DNMT1: variants seen among roughly 807,000 people sequenced by gnomAD.
The protein encoded by DNMT1 is DNA methyltransferase 1, also known as DNA (cytosine-5)-methyltransferase 1.
In DNMT1, 24 loss-of-function variants were observed where a neutral mutation model predicts 205.3. The observed-to-expected ratio is 0.12, with a 90% CI of 0.08 to 0.16. DNMT1 has a LOEUF of 0.16. DNMT1 is among the 10% of genes least tolerant of loss of function. The pLI, the probability that DNMT1 is intolerant of heterozygous loss-of-function variation, is 1.00. For synonymous variants in DNMT1, 817 were observed against 839.8 expected (o/e 0.97, Z 0.47); for missense variants, 1,293 against 2,177.7 (o/e 0.59, Z 8.09).
chr19:10,160,124 C>G, intron 14 of DNMT1, 61 bp from the exon 15 acceptor site: 7 of 1,605,008 alleles, frequency 4.4e-6, no homozygotes, highest in Non-Finnish European at 5.9e-6. Flanking sequence ...ATATCAAAAT[C>G]GCCCCTGTGA....
intron 9 of DNMT1, 49 bp downstream of exon 9, chr19:10,173,041 A>G (rs1332201564): frequency 6.2e-7 from 1 of 1,608,206 alleles, no homozygotes; most frequent in African/African-American, 1.3e-5. Context: ...AATTGGGACC[A>G]TATAGGATTA....
intron 4 of DNMT1, 52 bp downstream of exon 4, chr19:10,180,298 T>C: frequency 6.3e-7 from 1 of 1,595,850 alleles, no homozygotes; most frequent in South Asian, 1.1e-5. Context: ...GGCAACACAG[T>C]GAGACTCCAT....
chr19:10,183,986 C>T (rs767994525), intron 1 of DNMT1, among the ~76,000 whole-genome samples: 1 of 152,100 alleles, frequency 6.6e-6, no homozygotes, highest in African/African-American at 2.4e-5. Flanking sequence ...CCTGGGAGGT[C>T]GAGGCCACAG....
Position 10,146,819 on chromosome 19 carries a change from G to C in DNMT1, c.2721-295C>G, listed in dbSNP as rs1301877731. On this transcript the variant is annotated intron_variant, in intron 27 of 40. Coordinates refer to ENST00000359526, the MANE Select transcript of DNMT1 (RefSeq NM_001130823.3). The surrounding 1 kb of genome is among the most constrained non-coding windows in gnomAD (Gnocchi z 4.4). The stretch of plus-strand genomic sequence containing the variant: ...GAATATGGTTAAGAACACACCACGA[G>C]CAACAGTCCCGAGTGGCTCAGTGAG... Among the ~76,000 whole-genome samples the C allele has an allele frequency of 4.6e-5, 7 of 152,180 alleles. No homozygotes were observed. The highest frequency in any genetic ancestry group is 1.7e-4 in the African/African-American group (7 of 41,428).
chr19:10,161,238 G>A (rs2038562985), intron 13 of DNMT1, among the ~76,000 whole-genome samples: 1 of 152,228 alleles, frequency 6.6e-6, no homozygotes, highest in East Asian at 1.9e-4. Context: ...CAGGGAGACA[G>A]AGGTTGCAGT....
chr19:10,150,616 C>T (rs961352964), intron 24 of DNMT1, among the ~76,000 whole-genome samples: 1 of 152,204 alleles, frequency 6.6e-6, no homozygotes, highest in Admixed American at 6.5e-5. Context: ...GAACTGATTG[C>T]ATCTTTAATT....
rs1165073207 is a variant in DNMT1 at position 10,168,332 on chromosome 19, T to C, written c.801A>G (p.Glu267=). The change falls in exon 10 of 41, where the codon GAA becomes GAG. Residue 267 remains glutamate, a splice_region_variant and synonymous_variant. Transcript: ENST00000359526. The part of the protein sequence containing the change: ...EEKRLRSQTK[E]PTPKQKLKEE... The stretch of plus-strand genomic sequence containing the variant: ...AAAGGCAGGTTCGCTGCACTTACGG[T>C]TCTTTGGTTTGACTTCGGAGTCTCT... 1.9e-6 allele frequency: 3 copies of C among 1,614,108 alleles called. No homozygotes were observed. In the South Asian group the frequency reaches 3.3e-5, roughly 18 times the overall value.
chr19:10,169,454 G>C (rs2038767305), intron 9 of DNMT1, among the ~76,000 whole-genome samples: 1 of 151,908 alleles, frequency 6.6e-6, no homozygotes, highest in South Asian at 2.1e-4. Flanking sequence ...CTACTGGGGA[G>C]GTGGAGGCAG....
chr19:10,163,689 T>C (rs889784304), intron 11 of DNMT1, among the ~76,000 whole-genome samples: 1 of 152,202 alleles, frequency 6.6e-6, no homozygotes, highest in Non-Finnish European at 1.5e-5. Context: ...TCTGCTATGG[T>C]AGCACAAAAG....
At chr19:10,155,995 CCCAGGAGGCGCTCTAA>C (rs1247573175) in intron 18 of DNMT1, 50 bp from the exon 19 acceptor site, 1 of 1,582,456 alleles carries the variant, frequency 6.3e-7, no homozygotes, top group Non-Finnish European at 8.6e-7. Context: ...ACATCCCAAA[CCCAGGAGGCGCTCTAA>C]GCGCCCACTC....
Position 10,133,729 on chromosome 19 carries a change from T to C in DNMT1, c.4865-28A>G. 6.3e-7 allele frequency: 1 copy of C among 1,576,146 alleles called. No homozygotes were observed. The highest frequency in any genetic ancestry group is 8.6e-7 in the Non-Finnish European group (1 of 1,159,776). ...GAAGGGAAATAAAAGGAAAAGTCACTCTGGGGAACACGCCCGGTGTCACGC... is the reference window on the plus strand; with the variant it reads ...GAAGGGAAATAAAAGGAAAAGTCACCCTGGGGAACACGCCCGGTGTCACGC... On this transcript the variant is annotated intron_variant, in intron 40 of 40. Coordinates refer to ENST00000359526, the MANE Select transcript of DNMT1 (RefSeq NM_001130823.3). The surrounding 1 kb of genome is among the most constrained non-coding windows in gnomAD (Gnocchi z 4.1).
intron 6 of DNMT1, 54 bp downstream of exon 6, chr19:10,177,238 T>C: frequency 6.4e-7 from 1 of 1,552,362 alleles, no homozygotes; most frequent in Admixed American, 1.7e-5. Context: ...ACCAATTCCA[T>C]CCCAAAACAG....
At chr19:10,187,610 C>T (rs1322960067) in intron 1 of DNMT1, among the ~76,000 whole-genome samples, 1 of 151,296 alleles carries the variant, frequency 6.6e-6, no homozygotes, top group African/African-American at 2.4e-5. Flanking sequence ...CAGCACGCAC[C>T]TGTACTCCTA....
intron 39 of DNMT1, 124 bp downstream of exon 39, chr19:10,135,612 G>T: frequency 2.0e-6 from 2 of 1,006,992 alleles, no homozygotes; most frequent in Non-Finnish European, 1.5e-6. Context: ...CACTGAGAGT[G>T]ATGGGGCTAC....
Position 10,175,607 on chromosome 19 carries a change from C to T in DNMT1, c.581G>A (p.Arg194Gln), listed in dbSNP as rs2038925193. 6.2e-7 allele frequency: 1 copy of T among 1,613,956 alleles called. No homozygotes were observed. The highest frequency in any genetic ancestry group is 8.5e-7 in the Non-Finnish European group (1 of 1,179,966). Residue 194 changes from arginine to glutamine, a missense_variant, in exon 7 of 41, where the codon CGG becomes CAG. Transcript: ENST00000359526. Reference protein sequence around the residue: ...TSHFAKGPAKRKPQEESERAK... With the variant: ...TSHFAKGPAKQKPQEESERAK... ...TCTTTCAGACTCTTCCTGAGGTTTC[C>T]GTTTGGCAGGGCTGTCACACACAGT... is the stretch of plus-strand genomic sequence containing the variant.
chr19:10,164,801 G>A (rs1002657047), intron 11 of DNMT1, among the ~76,000 whole-genome samples: 1 of 150,886 alleles, frequency 6.6e-6, no homozygotes, highest in Non-Finnish European at 1.5e-5. Context: ...AGTAGCACAC[G>A]CCTGTAATCC....
rs2089585987 is a variant in DNMT1 at position 10,140,788 on chromosome 19, G to A, written c.3516C>T (p.His1172=). 5 of 1,613,960 alleles carry A rather than the reference G, an allele frequency of 3.1e-6. No homozygotes were observed. Among genetic ancestry groups the A allele is most frequent in the Non-Finnish European group, 4.2e-6 (5 of 1,179,976 alleles). The part of the protein sequence containing the change: ...SGCGGLSEGF[H]QAGISDTLWA... ...GAGCCTACGGGCGCTCACCTGCTTGGTGGAATCCCTCCGACAACCCCCCGC... is the reference window on the plus strand; with the variant it reads ...GAGCCTACGGGCGCTCACCTGCTTGATGGAATCCCTCCGACAACCCCCCGC... The change falls in exon 32 of 41, where the codon CAC becomes CAT. Residue 1172 remains histidine (H), a synonymous_variant. Coordinates refer to ENST00000359526, the MANE Select transcript of DNMT1 (RefSeq NM_001130823.3). The surrounding 1 kb of genome is among the most constrained non-coding windows in gnomAD (Gnocchi z 8.4).
chr19:10,191,427 T>C (rs2039303245), intron 1 of DNMT1, among the ~76,000 whole-genome samples: 1 of 149,382 alleles, frequency 6.7e-6, no homozygotes, highest in Non-Finnish European at 1.5e-5. Context: ...GTCTACCACA[T>C]GGTCAAAAGC....
chr19:10,177,664 C>G (rs1307262226), intron 5 of DNMT1, among the ~76,000 whole-genome samples: 1 of 152,098 alleles, frequency 6.6e-6, no homozygotes, highest in African/African-American at 2.4e-5. Context: ...GGCACAGTGG[C>G]TCACATCTAT....
Sources: allele counts gnomAD v4.1 joint callset (sites outside exome capture counted in the v4.1 genomes callset), GRCh38; gene constraint gnomAD v4.1.1; non-coding constraint Gnocchi (gnomAD v3.1); transcripts MANE v1.5; gene names NCBI Gene and HGNC (gene_info 2026-07-23, HGNC 2026-07-21).